The following TNFRSF21 variants were observed in gnomAD, a reference collection of about 807,000 sequenced individuals.
TNFRSF21 encodes tumor necrosis factor receptor superfamily member 21.
In TNFRSF21, 19 loss-of-function variants were observed where a neutral mutation model predicts 45.6. That is an observed-to-expected ratio of 0.42 (90% confidence interval 0.29 to 0.61). The LOEUF is 0.61. Ranked by LOEUF, TNFRSF21 falls within the 20% of genes least tolerant of loss-of-function variation. The pLI, the probability that TNFRSF21 is intolerant of heterozygous loss-of-function variation, is 0.23. For missense variants in TNFRSF21, 737 were observed against 851.5 expected (o/e 0.87, Z 1.67); for synonymous variants, 314 against 335.5 (o/e 0.94, Z 0.70).
chr6:47,308,418 C>T (rs1254661879), intron 1 of TNFRSF21, among the ~76,000 whole-genome samples: 1 of 152,168 alleles, frequency 6.6e-6, no homozygotes, highest in Non-Finnish European at 1.5e-5. Context: ...ATTTCCATCC[C>T]TCCTGCAGTG....
chr6:47,278,239 T>A (rs1386561752), intron 3 of TNFRSF21, among the ~76,000 whole-genome samples: 1 of 152,136 alleles, frequency 6.6e-6, no homozygotes, highest in Non-Finnish European at 1.5e-5. Context: ...TATGTTTAAA[T>A]CCCTAACACC....
intron 3 of TNFRSF21, among the ~76,000 whole-genome samples, chr6:47,272,099 C>G (rs1762430072): frequency 6.6e-6 from 1 of 152,136 alleles, no homozygotes; most frequent in African/African-American, 2.4e-5. Flanking sequence ...CAGTATTAGA[C>G]AGATCAACGA....
In TNFRSF21 at chr6:47,232,723, C is replaced by T. The variant is rs772675547; in HGVS notation, c.*42G>A. On this transcript the variant is annotated 3_prime_UTR_variant, in exon 6 of 6. Transcript: ENST00000296861. ...AGAAGAAAATTAAAAAACCACCCTG[C>T]CACTAAATTGAGTAATTTCCAGAAT... 42 of 1,579,640 alleles carry T rather than the reference C, an allele frequency of 2.7e-5. No individual in the cohort carries two copies. The highest frequency in any genetic ancestry group is 5.2e-5 in the Admixed American group (3 of 58,168).
At chr6:47,281,377 A>G (rs979989693) in intron 3 of TNFRSF21, among the ~76,000 whole-genome samples, 61 of 150,668 alleles carry the variant, frequency 4.0e-4, no homozygotes, top group African/African-American at 1.4e-3. Context: ...TATAAAATCT[A>G]TATGTGATTT....
In TNFRSF21 at chr6:47,284,444, A is replaced by G. The variant is rs749369697; in HGVS notation, c.749-12T>C. 1 of 1,508,770 alleles carries G rather than the reference A, an allele frequency of 6.6e-7. No individual in the cohort carries two copies. The highest frequency in any genetic ancestry group is 8.8e-7 in the Non-Finnish European group (1 of 1,130,460). The allele number at this position is 1,508,770 out of a possible 1,614,324, so 93.5% of individuals were successfully genotyped here. On this transcript the variant is annotated splice_polypyrimidine_tract_variant and intron_variant, in intron 2 of 5. Transcript: ENST00000296861. Reference sequence around the variant, plus strand: ...TGTTGAGTTCATGCCTAGAAAAAAGAGTAAGGAGGGGGGAAGAGCTTTTCC... The same window carrying G: ...TGTTGAGTTCATGCCTAGAAAAAAGGGTAAGGAGGGGGGAAGAGCTTTTCC...
chr6:47,245,433 T>C (rs1334061380), intron 4 of TNFRSF21, among the ~76,000 whole-genome samples: 4 of 136,404 alleles, frequency 2.9e-5, no homozygotes, highest in African/African-American at 1.0e-4. Context: ...AAGAAGTGTG[T>C]GTGTGTGTGT....
chr6:47,292,242 C>A (rs1274624884), intron 1 of TNFRSF21, among the ~76,000 whole-genome samples: 1 of 152,074 alleles, frequency 6.6e-6, no homozygotes, highest in Non-Finnish European at 1.5e-5. Flanking sequence ...AGAGTGGGAG[C>A]CAGAATATCT....
At chr6:47,299,945 G>T (rs370840281) in intron 1 of TNFRSF21, among the ~76,000 whole-genome samples, 1 of 152,128 alleles carries the variant, frequency 6.6e-6, no homozygotes, top group Non-Finnish European at 1.5e-5. Flanking sequence ...TATTTCCTTT[G>T]ACCCAGCAAT....
chr6:47,283,606 C>T (rs1171515141), intron 3 of TNFRSF21, among the ~76,000 whole-genome samples: 1 of 152,166 alleles, frequency 6.6e-6, no homozygotes, highest in Non-Finnish European at 1.5e-5. Context: ...TTGTTTGGAT[C>T]AATGTTGCCA....
chr6:47,263,990 C>T (rs1183249681), intron 3 of TNFRSF21, among the ~76,000 whole-genome samples: 3 of 152,190 alleles, frequency 2.0e-5, no homozygotes, highest in Admixed American at 2.0e-4. Context: ...ACATACATTG[C>T]CATGTTAGCC....
chr6:47,271,262 G>A (rs917536112), intron 3 of TNFRSF21, among the ~76,000 whole-genome samples: 3 of 152,224 alleles, frequency 2.0e-5, no homozygotes, highest in African/African-American at 7.2e-5. Context: ...GGGAGCCAGA[G>A]AGAAAGGTCA....
chr6:47,275,516 C>T (rs1320025843), intron 3 of TNFRSF21, among the ~76,000 whole-genome samples: 1 of 152,022 alleles, frequency 6.6e-6, no homozygotes, highest in Non-Finnish European at 1.5e-5. Context: ...GGGTGGCGGA[C>T]TCGGGGAAGG....
intron 5 of TNFRSF21, 44 bp from the exon 6 acceptor site, chr6:47,233,038 T>G: frequency 6.3e-7 from 1 of 1,590,098 alleles, no homozygotes; most frequent in Non-Finnish European, 8.6e-7. Flanking sequence ...AAGGTGACTG[T>G]ACTGGCAAGG....
At chr6:47,255,178 T>G (rs981011971) in intron 3 of TNFRSF21, among the ~76,000 whole-genome samples, 1 of 152,214 alleles carries the variant, frequency 6.6e-6, no homozygotes, top group African/African-American at 2.4e-5. Context: ...CCAGATCTGA[T>G]GAACAGATGA....
chr6:47,253,445 G>C lies in TNFRSF21; in HGVS notation c.1320C>G (p.Ala440=), dbSNP rs754999145. 2 of 1,613,954 alleles carry C rather than the reference G, an allele frequency of 1.2e-6. No individual in the cohort carries two copies. Among genetic ancestry groups the C allele is most frequent in the Non-Finnish European group, 1.7e-6 (2 of 1,180,040 alleles). The change falls in exon 4 of 6, where the codon GCC becomes GCG. Residue 440 remains alanine (A), a synonymous_variant. Transcript: ENST00000296861. ...AGAAAGCAGCAACCTCCCTCTCACT[G>C]GCATTGCAAAGAAACTGATAGATAT... ...WKDIYQFLCN[A]SEREVAAFSN...
At chr6:47,254,668 A>G (rs918127654) in intron 3 of TNFRSF21, among the ~76,000 whole-genome samples, 4 of 152,234 alleles carry the variant, frequency 2.6e-5, no homozygotes, top group East Asian at 3.8e-4. Flanking sequence ...CAATAGAAGC[A>G]TTCCTGAAGA....
chr6:47,237,749 T>G (rs1764680633), intron 4 of TNFRSF21, among the ~76,000 whole-genome samples: 1 of 152,174 alleles, frequency 6.6e-6, no homozygotes, highest in South Asian at 2.1e-4. Context: ...TAATATTTTA[T>G]ACATACATCC....
At position 47,286,530 on chromosome 6, in the gene TNFRSF21, G is replaced by A. The variant is rs145743387; in HGVS notation, c.162C>T (p.Tyr54=). ...GGCCGGTGGCACGGTCAACATGGCG[G>A]TATGTGCCAATGAGATTCGAGGCCT... is the stretch of plus-strand genomic sequence containing the variant. The part of the protein sequence containing the change: ...EQKASNLIGT[Y]RHVDRATGQV... Residue 54 remains tyrosine, a synonymous_variant, in exon 2 of 6, where the codon TAC becomes TAT. Transcript: ENST00000296861. The A allele has an allele frequency of 8.1e-6, 13 of 1,613,984 alleles. No homozygotes were observed. Among genetic ancestry groups the A allele is most frequent in the African/African-American group, 4.0e-5 (3 of 74,934 alleles).
At chr6:47,240,065 C>T (rs1027628410) in intron 4 of TNFRSF21, among the ~76,000 whole-genome samples, 1 of 152,184 alleles carries the variant, frequency 6.6e-6, no homozygotes, top group Non-Finnish European at 1.5e-5. Context: ...AGCCTGGATG[C>T]TCTTTGCCAG....
Sources: allele counts gnomAD v4.1 joint callset (sites outside exome capture counted in the v4.1 genomes callset), GRCh38; gene constraint gnomAD v4.1.1; transcripts MANE v1.5; gene names NCBI Gene and HGNC (gene_info 2026-07-23, HGNC 2026-07-21).